Variants in MBTD1 observed in about 807,000 individuals in gnomAD.
MBTD1 encodes the protein MBT domain-containing protein 1.
Under a neutral mutation model 87.8 loss-of-function variants are expected in MBTD1, and 24 were observed. That is an observed-to-expected ratio of 0.27 (90% CI 0.20 to 0.38). The LOEUF (loss-of-function observed/expected upper bound fraction) is 0.38. MBTD1 is among the 10% of genes least tolerant of loss of function. The pLI is 1.00. For missense variants in MBTD1, 436 were observed against 760.2 expected (o/e 0.57, Z 5.02); for synonymous variants, 237 against 248.6 (o/e 0.95, Z 0.44).
chr17:51,260,102 G>C (rs2055390521), upstream of MBTD1: 2 of 378,970 alleles, frequency 5.3e-6, no homozygotes, highest in African/African-American at 4.2e-5. Flanking sequence ...GCCCCGATTG[G>C]CCCACTTCCC....
chr17:51,192,371 TA>T (rs1313665271), intron 15 of MBTD1, 91 bp from the exon 16 acceptor site: 2 of 888,480 alleles, frequency 2.3e-6, no homozygotes, highest in Middle Eastern at 3.3e-4. Context: ...GAACTATCTT[TA>T]CCAAGACCAT....
intron 16 of MBTD1, among the ~76,000 whole-genome samples, chr17:51,188,599 A>G (rs2050652281): frequency 6.6e-6 from 1 of 152,136 alleles, no homozygotes; most frequent in Non-Finnish European, 1.5e-5. Context: ...AACCCCAAAT[A>G]CTTATTTGTG....
chr17:51,239,892 C>G (rs1391124171), intron 2 of MBTD1, among the ~76,000 whole-genome samples: 2 of 152,076 alleles, frequency 1.3e-5, no homozygotes, highest in Admixed American at 6.5e-5. Context: ...AACATTAACC[C>G]AATACTTTCA....
chr17:51,177,538 T>A lies in MBTD1; in HGVS notation c.*3038A>T, dbSNP rs2050153085. On this transcript the variant is annotated 3_prime_UTR_variant, in exon 17 of 17. Coordinates refer to ENST00000586178, the MANE Select transcript of MBTD1 (RefSeq NM_017643.3). ...TCACATCCATGCTGAAAATTTGCAA[T>A]TTGGTAAAAATGAAAGGAACATAAA... The A allele has an allele frequency of 6.6e-6, 1 of 152,226 alleles. No individual in the cohort carries two copies. The allele number at this position is 152,226 out of a possible 1,614,324, so 9.4% of individuals were successfully genotyped here.
chr17:51,243,991 T>A (rs1018705511), intron 2 of MBTD1, among the ~76,000 whole-genome samples: 2 of 152,210 alleles, frequency 1.3e-5, no homozygotes, highest in Non-Finnish European at 2.9e-5. Context: ...AAGATTCCTA[T>A]CTGTCTCTCA....
At chr17:51,220,600 T>C (rs1010930793) in intron 3 of MBTD1, 137 bp from the exon 4 acceptor site, 2 of 691,156 alleles carry the variant, frequency 2.9e-6, no homozygotes, top group Non-Finnish European at 4.7e-6. Context: ...CTATCTCCTA[T>C]ACAAATGATA....
At chr17:51,185,890 A>G (rs2050513394) in intron 16 of MBTD1, 1 of 152,618 alleles carries the variant, frequency 6.6e-6, no homozygotes, top group Admixed American at 6.5e-5. Context: ...AGTGAAATGA[A>G]TTCTTTAGTT....
rs145682184 is a variant in MBTD1 at position 51,208,778 on chromosome 17, T to C, written c.487-1773A>G. On this transcript the variant is annotated intron_variant, in intron 6 of 16. Transcript: ENST00000586178. ...ACAGTACTCCTTTTTGAGCTAAATG[T>C]GTCATAGACTTTTATTTTTTTAAAG... 4.1e-3 allele frequency among the ~76,000 whole-genome samples: 624 copies of C among 152,368 alleles called. 6 individuals carry two copies. The highest frequency in any genetic ancestry group is 0.015 in the South Asian group (74 of 4,832).
At chr17:51,255,538 T>C (rs2055035803) in intron 2 of MBTD1, among the ~76,000 whole-genome samples, 1 of 151,814 alleles carries the variant, frequency 6.6e-6, no homozygotes, top group Non-Finnish European at 1.5e-5. Context: ...TAAAATAATC[T>C]CTAGCAAATT....
At chr17:51,241,813 G>A (rs866433153) in intron 2 of MBTD1, among the ~76,000 whole-genome samples, 2 of 152,094 alleles carry the variant, frequency 1.3e-5, no homozygotes, top group Non-Finnish European at 2.9e-5. Context: ...TGATCTGCCC[G>A]CCTTGGCTTC....
chr17:51,181,124 G>A (rs1598267077), intron 16 of MBTD1, among the ~76,000 whole-genome samples: 2 of 150,580 alleles, frequency 1.3e-5, no homozygotes, highest in Non-Finnish European at 1.5e-5. Context: ...CGGTTCAAGC[G>A]GTTCTCCTGC....
chr17:51,210,300 C>G (rs1443234138), intron 6 of MBTD1, among the ~76,000 whole-genome samples: 2 of 152,042 alleles, frequency 1.3e-5, no homozygotes, highest in Non-Finnish European at 2.9e-5. Flanking sequence ...CTCTACTCAT[C>G]TTTTGATTTG....
At chr17:51,200,648 G>A (rs1183061056) in intron 12 of MBTD1, among the ~76,000 whole-genome samples, 1 of 149,980 alleles carries the variant, frequency 6.7e-6, no homozygotes, top group Non-Finnish European at 1.5e-5. Context: ...TGGGTTACTT[G>A]AGTCCAGGAA....
intron 6 of MBTD1, chr17:51,209,462 G>T (rs745692396): frequency 6.4e-6 from 3 of 471,144 alleles, no homozygotes; most frequent in South Asian, 4.6e-5. Flanking sequence ...GGTCCTGCAG[G>T]ACATGGCCAA....
In MBTD1 at chr17:51,225,030, G is replaced by A. The variant is rs538681768; in HGVS notation, c.132C>T (p.Tyr44=). ...IIKNNGQVYT[Y]PDGKSGMATC... is the part of the protein sequence containing the mutation. ...CACCCATGCCAGATTTACCATCTGG[G>A]TATGTGTAGACTTGCCCATTGTTTT... The change falls in exon 3 of 17, where the codon TAC becomes TAT. Residue 44 remains tyrosine (Y), a synonymous_variant. Coordinates refer to ENST00000586178, the MANE Select transcript of MBTD1 (RefSeq NM_017643.3). The A allele has an allele frequency of 4.5e-6, 7 of 1,549,202 alleles. No individual in the cohort carries two copies. The highest frequency in any genetic ancestry group is 2.7e-5 in the African/African-American group (2 of 73,034).
At chr17:51,256,041 A>C (rs971738138) in intron 2 of MBTD1, among the ~76,000 whole-genome samples, 2 of 152,240 alleles carry the variant, frequency 1.3e-5, no homozygotes, top group Non-Finnish European at 2.9e-5. Flanking sequence ...ACGTTGAACA[A>C]ACTAATGAGT....
At chr17:51,193,070 C>T in intron 14 of MBTD1, 54 bp from the exon 15 acceptor site, 1 of 1,225,390 alleles carries the variant, frequency 8.2e-7, no homozygotes, top group South Asian at 1.3e-5. Flanking sequence ...GAATGCACAA[C>T]CCTACTATCA....
At chr17:51,235,097 A>G (rs1302518080) in intron 2 of MBTD1, among the ~76,000 whole-genome samples, 2 of 152,272 alleles carry the variant, frequency 1.3e-5, no homozygotes, top group East Asian at 3.9e-4. Context: ...TAAAGCAATT[A>G]GAAGAAAACT....
chr17:51,191,254 G>T (rs1171558462), intron 16 of MBTD1, among the ~76,000 whole-genome samples: 1 of 138,332 alleles, frequency 7.2e-6, no homozygotes, highest in Non-Finnish European at 1.5e-5. Flanking sequence ...AGTATAGAAA[G>T]AATTTCTTTT....
Sources: allele counts gnomAD v4.1 joint callset (sites outside exome capture counted in the v4.1 genomes callset), GRCh38; gene constraint gnomAD v4.1.1; transcripts MANE v1.5; gene names NCBI Gene and HGNC (gene_info 2026-07-23, HGNC 2026-07-21).